The following NDUFAF2 variants were observed in gnomAD, a reference collection of about 807,000 sequenced individuals.
The protein encoded by NDUFAF2 is NADH dehydrogenase [ubiquinone] 1 alpha subcomplex assembly factor 2.
In NDUFAF2, 13 loss-of-function variants were observed where a neutral mutation model predicts 22.8. The ratio of observed to expected loss-of-function variants is 0.57; its 90% CI spans 0.37 to 0.91. The LOEUF is 0.91. Among genes scored for constraint, NDUFAF2 ranks in the 40% least tolerant of loss-of-function variants. NDUFAF2 has a pLI of 0.01. For missense variants in NDUFAF2, 162 were observed against 195.2 expected (o/e 0.83, Z 1.01); for synonymous variants, 53 against 64.2 (o/e 0.83, Z 0.84).
chr5:61,116,043 T>G (rs1464565329), intron 3 of NDUFAF2: 2 of 152,186 alleles, frequency 1.3e-5, no homozygotes, highest in Non-Finnish European at 2.9e-5. Flanking sequence ...ATACTGAAAA[T>G]GAGACCTCTA....
chr5:60,995,921 C>T (rs905703979), intron 1 of NDUFAF2, among the ~76,000 whole-genome samples: 2 of 152,144 alleles, frequency 1.3e-5, no homozygotes, highest in Non-Finnish European at 2.9e-5. Context: ...CAAAGGCCAC[C>T]GCCACCCCAG....
chr5:61,005,955 A>C (rs1259365336), intron 1 of NDUFAF2, among the ~76,000 whole-genome samples: 3 of 152,116 alleles, frequency 2.0e-5, no homozygotes, highest in African/African-American at 4.8e-5. Context: ...ACTAGATCCC[A>C]TTTGTCAATT....
chr5:61,065,262 C>T (rs954498743), intron 1 of NDUFAF2, among the ~76,000 whole-genome samples: 9 of 152,034 alleles, frequency 5.9e-5, no homozygotes, highest in Non-Finnish European at 8.8e-5. Flanking sequence ...TAGCTGAATT[C>T]TACCACACAG....
At chr5:60,952,351 T>C (rs1750558880) in intron 1 of NDUFAF2, among the ~76,000 whole-genome samples, 1 of 152,070 alleles carries the variant, frequency 6.6e-6, no homozygotes, top group African/African-American at 2.4e-5. Context: ...TTAAAATTTC[T>C]TGTAGGCACT....
At chr5:61,090,807 T>C (rs1376541709) in intron 2 of NDUFAF2, among the ~76,000 whole-genome samples, 1 of 152,070 alleles carries the variant, frequency 6.6e-6, no homozygotes, top group Non-Finnish European at 1.5e-5. Flanking sequence ...TAGTACCCCA[T>C]TAGTTATTTT....
At chr5:61,100,896 C>T (rs1223019015) in intron 3 of NDUFAF2, among the ~76,000 whole-genome samples, 1 of 152,090 alleles carries the variant, frequency 6.6e-6, no homozygotes, top group Non-Finnish European at 1.5e-5. Flanking sequence ...ACATCCAAGC[C>T]AGTCTACCTT....
intron 1 of NDUFAF2, among the ~76,000 whole-genome samples, chr5:60,984,243 A>G (rs1415666267): frequency 6.6e-6 from 1 of 152,112 alleles, no homozygotes; most frequent in African/African-American, 2.4e-5. Flanking sequence ...TTGCCCATTG[A>G]TTTTGTATCC....
intron 3 of NDUFAF2, among the ~76,000 whole-genome samples, chr5:61,124,629 T>A (rs2111803428): frequency 1.3e-5 from 2 of 152,220 alleles, no homozygotes; most frequent in Middle Eastern, 6.8e-3. Context: ...AAATTAAAAA[T>A]TTAGTTTCTT....
intron 1 of NDUFAF2, among the ~76,000 whole-genome samples, chr5:60,961,266 C>T (rs1750680348): frequency 6.6e-6 from 1 of 150,850 alleles, no homozygotes; most frequent in African/African-American, 2.4e-5. Context: ...TCAAGATCAG[C>T]CAGGCCAACA....
intron 3 of NDUFAF2, chr5:61,146,482 T>C (rs1447726278): frequency 6.6e-6 from 1 of 152,208 alleles, no homozygotes; most frequent in Non-Finnish European, 1.5e-5. Flanking sequence ...AAATTCAGCT[T>C]TTGTCTGAAA....
At chr5:61,128,120 A>G (rs1753061156) in intron 3 of NDUFAF2, among the ~76,000 whole-genome samples, 1 of 152,212 alleles carries the variant, frequency 6.6e-6, no homozygotes, top group Non-Finnish European at 1.5e-5. Context: ...AAGGAGAACT[A>G]CAAACCACTG....
At chr5:61,023,102 T>C (rs1330322931) in intron 1 of NDUFAF2, among the ~76,000 whole-genome samples, 1 of 152,204 alleles carries the variant, frequency 6.6e-6, no homozygotes, top group African/African-American at 2.4e-5. Context: ...TTCAAATAGG[T>C]GTTCCCCCCT....
At chr5:61,053,913 A>C (rs983986668) in intron 1 of NDUFAF2, among the ~76,000 whole-genome samples, 1 of 152,228 alleles carries the variant, frequency 6.6e-6, no homozygotes, top group African/African-American at 2.4e-5. Flanking sequence ...TAGAAAAAAC[A>C]ACTGAACTTT....
chr5:60,984,836 G>T (rs576228554), intron 1 of NDUFAF2, among the ~76,000 whole-genome samples: 1 of 152,280 alleles, frequency 6.6e-6, no homozygotes, highest in South Asian at 2.1e-4. Context: ...GTTCATCAGG[G>T]ATGTTGGTGT....
chr5:60,985,319 A>G (rs1420415645), intron 1 of NDUFAF2, among the ~76,000 whole-genome samples: 1 of 148,138 alleles, frequency 6.8e-6, no homozygotes, highest in East Asian at 1.9e-4. Context: ...TGGTCTATCA[A>G]TTTTGTTGAT....
intron 1 of NDUFAF2, among the ~76,000 whole-genome samples, chr5:61,045,058 A>T (rs1290386008): frequency 1.4e-5 from 1 of 72,806 alleles, no homozygotes; most frequent in Non-Finnish European, 2.9e-5. Context: ...TTAATAAAGT[A>T]AAATAAAGTT....
intron 1 of NDUFAF2, among the ~76,000 whole-genome samples, chr5:60,958,850 G>C (rs181265065): frequency 2.0e-5 from 3 of 152,164 alleles, no homozygotes; most frequent in South Asian, 4.1e-4. Context: ...AGAAATAGGA[G>C]TATCTTTTCA....
At chr5:61,070,596 T>TACAAACACACACAC (rs1554082090) in intron 1 of NDUFAF2, among the ~76,000 whole-genome samples, 1 of 147,974 alleles carries the variant, frequency 6.8e-6, no homozygotes, top group Non-Finnish European at 1.5e-5. Flanking sequence ...TGTCTTTGCA[T>TACAAACACACACAC]ACACACACAC....
At chr5:61,041,090 T>C (rs1412320209) in intron 1 of NDUFAF2, among the ~76,000 whole-genome samples, 4 of 152,144 alleles carry the variant, frequency 2.6e-5, no homozygotes, top group Non-Finnish European at 4.4e-5. Context: ...TTTAGTAAAA[T>C]GACTTACAAA....
Sources: gnomAD v4.1 joint callset for allele counts (sites outside exome capture counted in the v4.1 genomes callset) on GRCh38, gnomAD v4.1.1 for gene constraint, MANE v1.5 for transcripts, NCBI Gene and HGNC (gene_info 2026-07-23, HGNC 2026-07-21) for gene names.